The following RNASET2 variants were observed in gnomAD, a reference collection of about 807,000 sequenced individuals.
The protein encoded by RNASET2 is ribonuclease 6.
A neutral mutation model predicts 33.9 loss-of-function variants in RNASET2; 28 were observed. The observed-to-expected ratio is 0.83, with a 90% CI of 0.61 to 1.13. RNASET2 has a LOEUF of 1.13. RNASET2 is among the 50% of genes most tolerant of loss of function. RNASET2 has a pLI of 0.00. For missense variants in RNASET2, 330 were observed against 319.9 expected (o/e 1.03, Z -0.24); for synonymous variants, 123 against 121.0 (o/e 1.02, Z -0.11).
intron 5 of RNASET2, among the ~76,000 whole-genome samples, chr6:166,942,058 C>CTTT (rs61635852): frequency 1.6e-5 from 2 of 127,248 alleles, no homozygotes; most frequent in African/African-American, 3.1e-5. Context: ...AAGACATCTT[C>CTTT]TTTTTTTTTT....
At chr6:166,937,475 A>G (rs2757045) in intron 6 of RNASET2, among the ~76,000 whole-genome samples, 37,235 of 152,112 alleles carry the variant, frequency 0.24, 6,622 homozygotes, top group East Asian at 0.48. Flanking sequence ...TACATTTGTT[A>G]GGTGAGAAAA....
Position 166,956,338 on chromosome 6 carries a change from C to T in RNASET2, c.-156G>A. On this transcript the variant is annotated 5_prime_UTR_variant, in exon 1 of 9. Coordinates refer to ENST00000508775, the MANE Select transcript of RNASET2 (RefSeq NM_003730.6). Reference sequence around the variant, plus strand: ...CAGCGGCCACCGGGTGCGCCCGGAGCCCTGGGACGGCCTAAACCAGTATCT... The same window carrying T: ...CAGCGGCCACCGGGTGCGCCCGGAGTCCTGGGACGGCCTAAACCAGTATCT... 2 of 723,978 alleles carry T rather than the reference C, an allele frequency of 2.8e-6. No individual in the cohort carries two copies. The highest frequency in any genetic ancestry group is 4.8e-6 in the Non-Finnish European group (2 of 420,166). The allele number at this position is 723,978 out of a possible 1,614,324, so 44.8% of individuals were successfully genotyped here. A position where few individuals can be genotyped will look rare whatever the true frequency, so the allele number is the denominator to read the frequency against.
chr6:166,949,099 T>C (rs567987822), intron 2 of RNASET2, among the ~76,000 whole-genome samples: 68 of 145,712 alleles, frequency 4.7e-4, no homozygotes, highest in Admixed American at 2.0e-3. Flanking sequence ...TAATAGTCAC[T>C]ACTACTCAGG....
In RNASET2 at chr6:166,923,513, C is replaced by A. The variant is rs1041511180; in HGVS notation, c.*6075G>T. On this transcript the variant is annotated 3_prime_UTR_variant, in exon 9 of 9. Coordinates refer to ENST00000508775, the MANE Select transcript of RNASET2 (RefSeq NM_003730.6). ...AGGATTACAGGTATAAGCCACTGCG[C>A]CTGGCCCATCTCAAACTTTCTAATA... Among the ~76,000 whole-genome samples, 10 of 152,124 alleles carry A rather than the reference C, an allele frequency of 6.6e-5. No individual in the cohort carries two copies. The highest frequency in any genetic ancestry group is 4.6e-4 in the Admixed American group (7 of 15,280).
chr6:166,951,912 A>T (rs1778993985), intron 2 of RNASET2, among the ~76,000 whole-genome samples: 1 of 152,154 alleles, frequency 6.6e-6, no homozygotes, highest in African/African-American at 2.4e-5. Context: ...TCCTCCCAGA[A>T]GATATATCCC....
intron 7 of RNASET2, 117 bp from the exon 8 acceptor site, chr6:166,931,235 A>G: frequency 1.3e-6 from 1 of 789,254 alleles, no homozygotes. Context: ...TGGCAGGGAC[A>G]GGACCCAGCA....
chr6:166,931,077 C>G lies in RNASET2; in HGVS notation c.534G>C (p.Val178=). The part of the protein sequence containing the change: ...FKDALARVYG[V]IPKIQCLPPS... The stretch of plus-strand genomic sequence containing the variant: ...GTGGAAGGCACTGGATTTTGGGTAT[C>G]ACTCCATATACTCTGGCAAGGGCAT... Residue 178 remains valine, a synonymous_variant, in exon 8 of 9, where the codon GTG becomes GTC. Coordinates refer to ENST00000508775, the MANE Select transcript of RNASET2 (RefSeq NM_003730.6). 6.2e-7 allele frequency: 1 copy of G among 1,612,894 alleles called. No homozygotes were observed.
At chr6:166,951,024 G>GC (rs1778971902) in intron 2 of RNASET2, among the ~76,000 whole-genome samples, 1 of 152,146 alleles carries the variant, frequency 6.6e-6, no homozygotes, top group Admixed American at 6.5e-5. Flanking sequence ...ACCAGTAGTG[G>GC]CCCCGAATGC....
At chr6:166,955,387 ACACACACGCGCACACACACACG>A in intron 1 of RNASET2, 1 of 372,704 alleles carries the variant, frequency 2.7e-6, no homozygotes, top group African/African-American at 5.1e-5. Context: ...ACACGCACAC[ACACACACGCGCACACACACACG>A]CGCACACACA....
rs140968987 is a variant in RNASET2, at chr6:166,925,513, C to T, written c.*4075G>A. Among the ~76,000 whole-genome samples, 276 of 152,088 alleles carry T rather than the reference C, an allele frequency of 1.8e-3. 1 individual carries two copies. The highest frequency in any genetic ancestry group is 5.5e-3 in the African/African-American group (230 of 41,490). On this transcript the variant is annotated 3_prime_UTR_variant, in exon 9 of 9. Transcript: ENST00000508775. ...CTCCCCTGTCCAGCCCTCACCTCCC[C>T]GGTCCAGCCCTTGCCTCCCCCGTCC... is the stretch of plus-strand genomic sequence containing the variant.
intron 1 of RNASET2, among the ~76,000 whole-genome samples, chr6:166,955,211 ACGCACACACGCG>A (rs1562506519): frequency 1.7e-4 from 16 of 92,818 alleles, no homozygotes; most frequent in African/African-American, 9.5e-4. Flanking sequence ...GCACACACGC[ACGCACACACGCG>A]CACACACGCA....
chr6:166,956,296 C>G lies in RNASET2; in HGVS notation c.-114G>C, dbSNP rs886061246. 7 of 1,022,604 alleles carry G rather than the reference C, an allele frequency of 6.8e-6. No homozygotes were observed. In the East Asian group the frequency reaches 1.0e-4, roughly 15 times the overall value. The allele number at this position is 1,022,604 out of a possible 1,614,324, so 63.3% of individuals were successfully genotyped here. A position where few individuals can be genotyped will look rare whatever the true frequency, so the allele number is the denominator to read the frequency against. On this transcript the variant is annotated 5_prime_UTR_variant, in exon 1 of 9. Coordinates refer to ENST00000508775, the MANE Select transcript of RNASET2 (RefSeq NM_003730.6). ...CTGTCTCCGAGCCCCCGCGCCGCCG[C>G]GCTCCCTCCGCTGCAGCAGCGGCCA... is the stretch of plus-strand genomic sequence containing the variant.
At chr6:166,941,450 A>G (rs1442206623) in intron 5 of RNASET2, among the ~76,000 whole-genome samples, 2 of 152,236 alleles carry the variant, frequency 1.3e-5, no homozygotes, top group Non-Finnish European at 2.9e-5. Context: ...CTGTGAAGTG[A>G]CATATAATTT....
rs558240193 is a variant in RNASET2, at chr6:166,946,175, A to G, written c.261+507T>C. 4.6e-5 allele frequency among the ~76,000 whole-genome samples: 7 copies of G among 152,328 alleles called. No individual in the cohort carries two copies. The South Asian group carries it at 6.2e-4, about 14-fold the overall frequency. On this transcript the variant is annotated intron_variant, in intron 4 of 8. Coordinates refer to ENST00000508775, the MANE Select transcript of RNASET2 (RefSeq NM_003730.6). Reference sequence around the variant, plus strand: ...ATTCCCGCCCTGTGAGTTTTCTTTAATCAAGCTCTTGTACTGGAAAGGCCC... The same window carrying G: ...ATTCCCGCCCTGTGAGTTTTCTTTAGTCAAGCTCTTGTACTGGAAAGGCCC...
At chr6:166,934,198 T>C in intron 6 of RNASET2, 62 bp from the exon 7 acceptor site, 2 of 1,059,106 alleles carry the variant, frequency 1.9e-6, no homozygotes, top group Non-Finnish European at 2.9e-6. Context: ...TTCTTGTTCT[T>C]TTCAGGTATC....
In RNASET2 at chr6:166,929,678, C is replaced by A; in HGVS notation, c.681G>T (p.Trp227Cys). The A allele has an allele frequency of 6.2e-7, 1 of 1,614,122 alleles. No individual in the cohort carries two copies. Among genetic ancestry groups the A allele is most frequent in the Non-Finnish European group, 8.5e-7 (1 of 1,180,026 alleles). The change falls in exon 9 of 9, where the codon TGG becomes TGT. Residue 227 changes from tryptophan (W) to cysteine (C), a missense_variant. Coordinates refer to ENST00000508775, the MANE Select transcript of RNASET2 (RefSeq NM_003730.6). ...GGCTCTCGGCGGCCCCATTTGCCAG[C>A]CAGACTTCCTGCTTGGGGGACGGCT... The part of the protein sequence containing the change: ...GEQPSPKQEV[W>C]LANGAAESRG...
In RNASET2 at chr6:166,931,272, C is replaced by G. The variant is rs71571467; in HGVS notation, c.493-154G>C. On this transcript the variant is annotated intron_variant, in intron 7 of 8. Transcript: ENST00000508775. Reference sequence around the variant, plus strand: ...AGGTGTGAGAATGATGCCCCCACCTCCACCAGCGAAGCAGAGGATGCTGTC... The same window carrying G: ...AGGTGTGAGAATGATGCCCCCACCTGCACCAGCGAAGCAGAGGATGCTGTC... The G allele has an allele frequency of 2.4e-5, 16 of 678,268 alleles. No individual in the cohort carries two copies. The East Asian group carries it at 4.2e-4, about 18-fold the overall frequency. 42.0% of individuals were successfully genotyped at this position (678,268 alleles called of 1,614,324 possible). A position where few individuals can be genotyped will look rare whatever the true frequency, so the allele number is the denominator to read the frequency against.
chr6:166,954,675 C>T (rs1779062539), intron 1 of RNASET2, among the ~76,000 whole-genome samples: 2 of 152,230 alleles, frequency 1.3e-5, no homozygotes, highest in South Asian at 4.1e-4. Context: ...TATAATGCTA[C>T]ATTTTAATGT....
At chr6:166,937,885 G>A (rs562624402) in intron 6 of RNASET2, among the ~76,000 whole-genome samples, 2 of 152,278 alleles carry the variant, frequency 1.3e-5, no homozygotes, top group Middle Eastern at 6.8e-3. Context: ...TCTTCTATCA[G>A]TGCCTGAGCT....
Sources: gnomAD v4.1 joint callset for allele counts (sites outside exome capture counted in the v4.1 genomes callset) on GRCh38, gnomAD v4.1.1 for gene constraint, MANE v1.5 for transcripts, NCBI Gene and HGNC (gene_info 2026-07-23, HGNC 2026-07-21) for gene names.